XKR4: variants seen among roughly 807,000 people sequenced by gnomAD.
The protein encoded by XKR4 is XK related 4, also known as XK-related protein 4.
A neutral mutation model predicts 53.9 loss-of-function variants in XKR4; 12 were observed. That is an observed-to-expected ratio of 0.22 (90% CI 0.14 to 0.36). XKR4 has a LOEUF of 0.36. XKR4 is among the 10% of genes least tolerant of loss of function. The pLI is 1.00. For synonymous variants in XKR4, 354 were observed against 362.4 expected (o/e 0.98, Z 0.26); for missense variants, 799 against 859.5 (o/e 0.93, Z 0.88).
intron 1 of XKR4, among the ~76,000 whole-genome samples, chr8:55,276,067 C>A (rs997078691): frequency 6.6e-6 from 1 of 152,162 alleles, no homozygotes; most frequent in African/African-American, 2.4e-5. Context: ...GTTAAGGCTC[C>A]GGGTAAATTA....
At chr8:55,194,698 C>T (rs1817482371) in intron 1 of XKR4, among the ~76,000 whole-genome samples, 1 of 152,182 alleles carries the variant, frequency 6.6e-6, no homozygotes, top group Non-Finnish European at 1.5e-5. Flanking sequence ...GTCTTTCTCA[C>T]TTTATGAGAA....
chr8:55,491,692 C>T (rs1371424306), intron 2 of XKR4, among the ~76,000 whole-genome samples: 1 of 151,886 alleles, frequency 6.6e-6, no homozygotes, highest in African/African-American at 2.4e-5. Context: ...AACAGAGTCT[C>T]GCTGTGTTGC....
intron 1 of XKR4, among the ~76,000 whole-genome samples, chr8:55,108,178 A>T (rs1816179350): frequency 6.6e-6 from 1 of 152,148 alleles, no homozygotes. Context: ...AGAGCCCTGG[A>T]TGCAATGTGT....
chr8:55,491,181 T>C (rs1806266704), intron 2 of XKR4, among the ~76,000 whole-genome samples: 1 of 152,244 alleles, frequency 6.6e-6, no homozygotes, highest in Admixed American at 6.5e-5. Context: ...CATTTGGCTC[T>C]ATTTTATATC....
At chr8:55,420,617 G>A (rs146777940) in intron 2 of XKR4, among the ~76,000 whole-genome samples, 7,413 of 127,028 alleles carry the variant, frequency 0.058, 445 homozygotes, top group African/African-American at 0.17. Flanking sequence ...GGGGAACATC[G>A]CACTCCGGGG....
intron 2 of XKR4, among the ~76,000 whole-genome samples, chr8:55,411,989 A>C (rs950808897): frequency 2.6e-5 from 4 of 152,250 alleles, no homozygotes; most frequent in African/African-American, 9.6e-5. Flanking sequence ...TATGGAAACT[A>C]TTCAAGGAAA....
At position 55,307,838 on chromosome 8, in the gene XKR4, A is replaced by G. The variant is rs112130161; in HGVS notation, c.807-49840A>G. Among the ~76,000 whole-genome samples the G allele has an allele frequency of 1.8e-3, 275 of 152,352 alleles. 1 individual carries two copies. Among genetic ancestry groups the G allele is most frequent in the African/African-American group, 6.4e-3 (265 of 41,582 alleles). ...AGGATGTGAAGAATCCAGATCACTT[A>G]TACATTGCTGGTGGGAATGGAGAAT... is the stretch of plus-strand genomic sequence containing the variant. On this transcript the variant is annotated intron_variant, in intron 1 of 2. Coordinates refer to ENST00000327381, the MANE Select transcript of XKR4 (RefSeq NM_052898.2).
At chr8:55,118,092 C>T (rs1816334930) in intron 1 of XKR4, among the ~76,000 whole-genome samples, 1 of 152,018 alleles carries the variant, frequency 6.6e-6, no homozygotes, top group African/African-American at 2.4e-5. Context: ...GACTGATATT[C>T]ACATTTTATT....
intron 2 of XKR4, among the ~76,000 whole-genome samples, chr8:55,392,658 G>A (rs1393763609): frequency 2.0e-5 from 3 of 152,096 alleles, no homozygotes; most frequent in East Asian, 3.9e-4. Flanking sequence ...AGGTGTGGTG[G>A]CGCATGCCTA....
intron 1 of XKR4, among the ~76,000 whole-genome samples, chr8:55,275,460 T>C (rs1426292572): frequency 1.3e-5 from 2 of 152,176 alleles, no homozygotes; most frequent in Non-Finnish European, 2.9e-5. Flanking sequence ...ATAATAAATA[T>C]ATTCATTTTT....
chr8:55,440,212 C>T (rs1054410838), intron 2 of XKR4, among the ~76,000 whole-genome samples: 12 of 151,924 alleles, frequency 7.9e-5, no homozygotes, highest in African/African-American at 2.9e-4. Flanking sequence ...TATTAACAGA[C>T]CTTTACTAAA....
In XKR4 at chr8:55,102,722, C is replaced by A; in HGVS notation, c.234C>A (p.Gly78=). 1.7e-6 allele frequency: 2 copies of A among 1,158,088 alleles called. No homozygotes were observed. The highest frequency in any genetic ancestry group is 2.1e-6 in the Non-Finnish European group (2 of 940,380). The allele number at this position is 1,158,088 out of a possible 1,614,324, so 71.7% of individuals were successfully genotyped here. Residue 78 remains glycine (G), a synonymous_variant, in exon 1 of 3, where the codon GGC becomes GGA. Transcript: ENST00000327381. The surrounding 1 kb of genome is among the most constrained non-coding windows in gnomAD (Gnocchi z 5.1). The part of the protein sequence containing the change: ...CAGSGGSAGS[G]GSGGVAGPGG... ...GGAGTGGCGGCTCCGCGGGCTCGGG[C>A]GGCTCCGGCGGCGTCGCCGGCCCGG...
chr8:55,369,555 GGGAA>G (rs1274419624), intron 2 of XKR4, among the ~76,000 whole-genome samples: 30 of 140,978 alleles, frequency 2.1e-4, no homozygotes, highest in East Asian at 1.3e-3. Flanking sequence ...GAGAAAGAAA[GGGAA>G]GGAAGGGAGG....
At chr8:55,358,886 T>A (rs1803859559) in intron 2 of XKR4, among the ~76,000 whole-genome samples, 1 of 152,200 alleles carries the variant, frequency 6.6e-6, no homozygotes, top group South Asian at 2.1e-4. Flanking sequence ...TTATAACTTT[T>A]TATGGCATGG....
intron 1 of XKR4, among the ~76,000 whole-genome samples, chr8:55,220,023 A>C (rs1486957310): frequency 6.6e-6 from 1 of 152,144 alleles, no homozygotes; most frequent in Non-Finnish European, 1.5e-5. Context: ...GTTAAAAATA[A>C]TATATTGTAT....
Position 55,177,066 on chromosome 8 carries a change from T to G in XKR4, c.806+73772T>G, listed in dbSNP as rs192371188. Among the ~76,000 whole-genome samples the G allele has an allele frequency of 1.7e-3, 255 of 151,888 alleles. 2 individuals carry two copies. The highest frequency in any genetic ancestry group is 5.8e-3 in the African/African-American group (240 of 41,418). ...TTTTTTTTTTTTTCCAGACAGAGTC[T>G]TGCTCTGTTACCCAGGCTGGAGTGT... is the stretch of plus-strand genomic sequence containing the variant. On this transcript the variant is annotated intron_variant, in intron 1 of 2. Coordinates refer to ENST00000327381, the MANE Select transcript of XKR4 (RefSeq NM_052898.2).
At chr8:55,132,358 T>G (rs1198178985) in intron 1 of XKR4, among the ~76,000 whole-genome samples, 1 of 152,206 alleles carries the variant, frequency 6.6e-6, no homozygotes, top group Non-Finnish European at 1.5e-5. Flanking sequence ...TGAAGACCCC[T>G]TGAAAGTGTG....
chr8:55,361,428 G>C (rs895994581), intron 2 of XKR4, among the ~76,000 whole-genome samples: 1 of 152,102 alleles, frequency 6.6e-6, no homozygotes, highest in African/African-American at 2.4e-5. Flanking sequence ...TAGTGAGGGT[G>C]CCAAAGATGC....
At chr8:55,365,998 G>A (rs79447555) in intron 2 of XKR4, among the ~76,000 whole-genome samples, 8,757 of 152,282 alleles carry the variant, frequency 0.058, 689 homozygotes, top group African/African-American at 0.18. Flanking sequence ...TTCCGGCTGC[G>A]GAGGGCACAG....
Sources: allele counts gnomAD v4.1 joint callset (sites outside exome capture counted in the v4.1 genomes callset), GRCh38; gene constraint gnomAD v4.1.1; non-coding constraint Gnocchi (gnomAD v3.1); transcripts MANE v1.5; gene names NCBI Gene and HGNC (gene_info 2026-07-23, HGNC 2026-07-21).